The following SUDS3 variants were observed in gnomAD, a reference collection of about 807,000 sequenced individuals.
SUDS3 encodes sin3 histone deacetylase corepressor complex component SDS3.
Under a neutral mutation model 53.5 loss-of-function variants are expected in SUDS3, and 23 were observed. That is an observed-to-expected ratio of 0.43 (90% CI 0.31 to 0.61). The LOEUF is 0.61. Among genes scored for constraint, SUDS3 ranks in the 20% least tolerant of loss-of-function variants. The probability of loss-of-function intolerance (pLI) is 0.10; values close to 1 mark genes in which losing one functional copy is unlikely to be tolerated. For synonymous variants in SUDS3, 150 were observed against 148.5 expected (o/e 1.01, Z -0.08); for missense variants, 291 against 405.9 (o/e 0.72, Z 2.43).
chr12:118,384,242 C>G (rs924670245), intron 3 of SUDS3, among the ~76,000 whole-genome samples, 175 bp downstream of exon 3: 2 of 152,112 alleles, frequency 1.3e-5, no homozygotes, highest in Admixed American at 6.5e-5. Context: ...TTTTCCAGCT[C>G]CTTGATTTTG....
rs1486923261 is a variant in SUDS3, at chr12:118,384,123, C to T, written c.268+56C>T. Reference sequence around the variant, plus strand: ...AATATGCTTCTTAATATTACAAACCCTTGAAATCTGTGTATTTCACTTCTC... The same window carrying T: ...AATATGCTTCTTAATATTACAAACCTTTGAAATCTGTGTATTTCACTTCTC... On this transcript the variant is annotated intron_variant, in intron 3 of 11. Coordinates refer to ENST00000543473, the MANE Select transcript of SUDS3 (RefSeq NM_022491.3). The T allele has an allele frequency of 4.6e-6, 7 of 1,536,394 alleles. No homozygotes were observed. The Admixed American group carries it at 1.2e-4, about 27-fold the overall frequency.
chr12:118,405,358 C>T (rs906316573), intron 10 of SUDS3, among the ~76,000 whole-genome samples: 5 of 152,110 alleles, frequency 3.3e-5, no homozygotes, highest in Admixed American at 6.6e-5. Context: ...TCAGACTTTA[C>T]GAGACATGTC....
At chr12:118,400,566 G>T in intron 6 of SUDS3, 93 bp from the exon 7 acceptor site, 2 of 1,166,304 alleles carry the variant, frequency 1.7e-6, no homozygotes, top group Non-Finnish European at 2.6e-6. Context: ...GTTCTGATTG[G>T]GTGGCTGGGG....
chr12:118,393,318 C>T (rs774539675), intron 6 of SUDS3, among the ~76,000 whole-genome samples: 2 of 152,136 alleles, frequency 1.3e-5, no homozygotes, highest in Non-Finnish European at 2.9e-5. Context: ...TCAACATGAA[C>T]GTCTCTTGAA....
rs1275594221 is a variant in SUDS3 at position 118,417,669 on chromosome 12, A to C, written c.*3236A>C. ...CTGAGAGGTGAATGTAAAATATAAA[A>C]GGTATAGGTTTTTTTTTTTTTTTAA... On this transcript the variant is annotated 3_prime_UTR_variant, in exon 12 of 12. Transcript: ENST00000543473. 5 of 150,068 alleles carry C rather than the reference A, an allele frequency of 3.3e-5. No homozygotes were observed. The East Asian group carries it at 7.9e-4, about 24-fold the overall frequency. The allele number at this position is 150,068 out of a possible 1,614,324, so 9.3% of individuals were successfully genotyped here. A position where few individuals can be genotyped will look rare whatever the true frequency, so the allele number is the denominator to read the frequency against.
At chr12:118,385,567 G>A (rs936726665) in intron 3 of SUDS3, among the ~76,000 whole-genome samples, 2 of 152,206 alleles carry the variant, frequency 1.3e-5, no homozygotes, top group Non-Finnish European at 2.9e-5. Context: ...AATGAATAGC[G>A]ATTTGGTTAG....
intron 10 of SUDS3, among the ~76,000 whole-genome samples, chr12:118,405,562 A>G (rs1247726503): frequency 6.6e-6 from 1 of 152,226 alleles, no homozygotes; most frequent in Admixed American, 6.5e-5. Flanking sequence ...GATGCATTTT[A>G]CTTTTTCAGT....
At chr12:118,406,831 CTTATG>C (rs2046312530) in intron 10 of SUDS3, among the ~76,000 whole-genome samples, 1 of 131,026 alleles carries the variant, frequency 7.6e-6, no homozygotes, top group Non-Finnish European at 1.6e-5. Context: ...AAAGTAAATT[CTTATG>C]TTAAGGTTGT....
chr12:118,409,293 C>A (rs1285135455), intron 10 of SUDS3, among the ~76,000 whole-genome samples: 8 of 152,016 alleles, frequency 5.3e-5, no homozygotes, highest in Admixed American at 5.2e-4. Flanking sequence ...ATTACAGGAG[C>A]CTGCCACCAC....
At chr12:118,390,097 T>A (rs755679056) in intron 5 of SUDS3, among the ~76,000 whole-genome samples, 151 bp downstream of exon 5, 5 of 152,196 alleles carry the variant, frequency 3.3e-5, no homozygotes, top group Non-Finnish European at 7.3e-5. Context: ...TGGTCTCAGC[T>A]CAGACATCCT....
At position 118,391,128 on chromosome 12, in the gene SUDS3, T is replaced by C; in HGVS notation, c.363T>C (p.Thr121=). 6.2e-7 allele frequency: 1 copy of C among 1,612,622 alleles called. No homozygotes were observed. The highest frequency in any genetic ancestry group is 1.1e-5 in the South Asian group (1 of 90,884). The stretch of plus-strand genomic sequence containing the variant: ...GCCCGTGTTTCTCTTTTGCTCAGAC[T>C]GAACAAGTGGAACGAAATTACATTA... ...RNAELFLQLE[T]EQVERNYIKE... The change falls in exon 6 of 12, where the codon ACT becomes ACC. Residue 121 remains threonine (T), a splice_region_variant and synonymous_variant. Transcript: ENST00000543473.
intron 6 of SUDS3, among the ~76,000 whole-genome samples, chr12:118,395,326 C>T (rs1006247114): frequency 1.9e-4 from 29 of 149,804 alleles, no homozygotes; most frequent in African/African-American, 6.2e-4. Context: ...CCCGGGTTCA[C>T]GCCATTCTCC....
At chr12:118,408,783 T>G (rs1396329501) in intron 10 of SUDS3, among the ~76,000 whole-genome samples, 23 of 152,222 alleles carry the variant, frequency 1.5e-4, no homozygotes, top group Admixed American at 1.5e-3. Context: ...TTAAAGTGTT[T>G]AGAAAGTTGT....
At chr12:118,389,348 G>A (rs976127540) in intron 4 of SUDS3, among the ~76,000 whole-genome samples, 4 of 152,136 alleles carry the variant, frequency 2.6e-5, no homozygotes, top group Admixed American at 2.6e-4. Flanking sequence ...TGTTTCTGGA[G>A]TAATTGCATT....
intron 10 of SUDS3, among the ~76,000 whole-genome samples, chr12:118,408,818 C>T (rs1159939447): frequency 1.3e-5 from 2 of 151,954 alleles, no homozygotes; most frequent in Non-Finnish European, 2.9e-5. Flanking sequence ...AGGGTAGTTG[C>T]ATTTTGTTTT....
At chr12:118,381,458 C>T (rs2046058695) in intron 2 of SUDS3, among the ~76,000 whole-genome samples, 1 of 152,088 alleles carries the variant, frequency 6.6e-6, no homozygotes, top group African/African-American at 2.4e-5. Context: ...TCTCGGCTCA[C>T]TGCAACCTCT....
At position 118,401,966 on chromosome 12, in the gene SUDS3, T is replaced by C. The variant is rs370486459; in HGVS notation, c.676-17T>C. ...AATGATTTTCTCTAAGATTTTTTGT[T>C]GTTGTTCTTCCTACAGCTTAAGTCA... On this transcript the variant is annotated splice_polypyrimidine_tract_variant and intron_variant, in intron 8 of 11. Transcript: ENST00000543473. The C allele has an allele frequency of 4.9e-5, 79 of 1,613,966 alleles. No homozygotes were observed. In the East Asian group the frequency reaches 6.9e-4, roughly 14 times the overall value.
chr12:118,400,521 C>T (rs757011450), intron 6 of SUDS3, 138 bp from the exon 7 acceptor site: 33 of 746,090 alleles, frequency 4.4e-5, no homozygotes, highest in Admixed American at 2.6e-4. Flanking sequence ...TGTCTGGCTA[C>T]GACCATGTGT....
intron 9 of SUDS3, 81 bp from the exon 10 acceptor site, chr12:118,403,331 T>C: frequency 9.7e-7 from 1 of 1,029,542 alleles, no homozygotes; most frequent in Non-Finnish European, 1.5e-6. Flanking sequence ...ATTCTGATAG[T>C]GTTTCAATTA....
Sources: allele counts gnomAD v4.1 joint callset (sites outside exome capture counted in the v4.1 genomes callset), GRCh38; gene constraint gnomAD v4.1.1; transcripts MANE v1.5; gene names NCBI Gene and HGNC (gene_info 2026-07-23, HGNC 2026-07-21).